GRM7: variants seen among roughly 807,000 people sequenced by gnomAD.
GRM7 encodes glutamate metabotropic receptor 7.
In GRM7, 35 loss-of-function variants were observed where a neutral mutation model predicts 84.5. That is an observed-to-expected ratio of 0.41 (90% CI 0.32 to 0.55). The LOEUF is 0.55. Ranked by LOEUF, GRM7 falls within the 20% of genes least tolerant of loss-of-function variation. The pLI is 0.19. For synonymous variants in GRM7, 487 were observed against 455.1 expected, an observed-to-expected ratio of 1.07 and a Z score of -0.89; for missense variants, 1,003 against 1,194.6, an observed-to-expected ratio of 0.84 and a Z score of 2.36.
rs1252863584 is a variant in GRM7 at position 7,416,602 on chromosome 3, A to G, written c.1174+1439A>G. 3.9e-5 allele frequency among the ~76,000 whole-genome samples: 6 copies of G among 152,110 alleles called. No individual in the cohort carries two copies. In the South Asian group the frequency reaches 8.3e-4, roughly 21 times the overall value. ...GTTTTCTGTGAAAAAGGAGAAATGT[A>G]CAACATATGACCAGAAACATGAATA... On this transcript the variant is annotated intron_variant, in intron 5 of 9. Coordinates refer to ENST00000357716, the MANE Select transcript of GRM7 (RefSeq NM_000844.4).
chr3:6,949,889 C>T (rs564650910), intron 1 of GRM7, among the ~76,000 whole-genome samples: 7 of 152,170 alleles, frequency 4.6e-5, no homozygotes, highest in Non-Finnish European at 8.8e-5. Context: ...GTTCTTGTGC[C>T]GTGCTTTTCA....
rs1044411320 is a variant in GRM7, at chr3:7,014,850, A to C, written c.520-131602A>C. The stretch of plus-strand genomic sequence containing the variant: ...ACTTCTGGGTCGGGTGGGGACTTGG[A>C]GAACTTTTCTGTCTTACAAGAGGAT... On this transcript the variant is annotated intron_variant, in intron 1 of 9. Transcript: ENST00000357716. 7.9e-5 allele frequency among the ~76,000 whole-genome samples: 12 copies of C among 152,252 alleles called. No homozygotes were observed. In the East Asian group the frequency reaches 2.1e-3, roughly 27 times the overall value.
intron 1 of GRM7, among the ~76,000 whole-genome samples, chr3:7,089,904 A>T (rs778543210): frequency 2.7e-4 from 41 of 152,182 alleles, no homozygotes; most frequent in Non-Finnish European, 5.0e-4. Flanking sequence ...GTACAGTGGC[A>T]TGATCTCGGC....
Position 7,076,750 on chromosome 3 carries a change from A to T in GRM7, c.520-69702A>T, listed in dbSNP as rs187854838. ...TAGGTAAATATATCATAAAGAAAAAATTGTGCTATATAATAAAAGAAACTA... is the reference window on the plus strand; with the variant it reads ...TAGGTAAATATATCATAAAGAAAAATTTGTGCTATATAATAAAAGAAACTA... On this transcript the variant is annotated intron_variant, in intron 1 of 9. Transcript: ENST00000357716. 1.1e-4 allele frequency among the ~76,000 whole-genome samples: 16 copies of T among 152,256 alleles called. No individual in the cohort carries two copies. In the East Asian group the frequency reaches 3.1e-3, roughly 29 times the overall value.
In GRM7 at chr3:7,618,432, C is replaced by G. The variant is rs149621346; in HGVS notation, c.2451+39075C>G. Among the ~76,000 whole-genome samples, 377 of 152,162 alleles carry G rather than the reference C, an allele frequency of 2.5e-3. 1 individual carries two copies. The highest frequency in any genetic ancestry group is 8.5e-3 in the African/African-American group (354 of 41,534). On this transcript the variant is annotated intron_variant, in intron 8 of 9. Coordinates refer to ENST00000357716, the MANE Select transcript of GRM7 (RefSeq NM_000844.4). ...TATTTCAAGCAATCAAAAATATGAGCTTAAATGCCAAAATGAACATTTAGT... is the reference window on the plus strand; with the variant it reads ...TATTTCAAGCAATCAAAAATATGAGGTTAAATGCCAAAATGAACATTTAGT...
At chr3:7,267,717 G>A (rs148713488) in intron 2 of GRM7, among the ~76,000 whole-genome samples, 154 of 152,220 alleles carry the variant, frequency 1.0e-3, no homozygotes, top group African/African-American at 3.2e-3. Context: ...GGGGAAAGAC[G>A]GAAAACGGGC....
chr3:7,211,744 T>A (rs1374208078), intron 2 of GRM7, among the ~76,000 whole-genome samples: 1 of 151,456 alleles, frequency 6.6e-6, no homozygotes, highest in Non-Finnish European at 1.5e-5. Flanking sequence ...CAGAAGAAAT[T>A]CATTTTGCAC....
intron 7 of GRM7, among the ~76,000 whole-genome samples, chr3:7,567,747 CAAAAAAAAAAAAAAAAAAAAAAAAAAAA>C (rs1176146756): frequency 2.2e-5 from 1 of 45,790 alleles, no homozygotes; most frequent in Non-Finnish European, 4.0e-5. Flanking sequence ...GACTCCATCT[CAAAAAAAAAAAAAAAAAAAAAAAAAAAA>C]AAAAAAAAAA....
intron 7 of GRM7, among the ~76,000 whole-genome samples, chr3:7,500,387 A>G (rs1419856977): frequency 6.6e-6 from 1 of 152,184 alleles, no homozygotes. Context: ...TTTGCTTCAC[A>G]ATGCATTGCC....
chr3:7,505,877 G>C (rs902571458), intron 7 of GRM7, among the ~76,000 whole-genome samples: 9 of 152,154 alleles, frequency 5.9e-5, no homozygotes, highest in African/African-American at 1.9e-4. Context: ...CCAATGTCTT[G>C]ATTAATAGCC....
chr3:7,461,190 A>G (rs1698231395), intron 6 of GRM7, among the ~76,000 whole-genome samples: 1 of 152,206 alleles, frequency 6.6e-6, no homozygotes, highest in African/African-American at 2.4e-5. Context: ...TTCTTTACTG[A>G]CGAAAATTTA....
At chr3:7,606,758 T>G (rs1696594462) in intron 8 of GRM7, 1 of 152,170 alleles carries the variant, frequency 6.6e-6, no homozygotes, top group Admixed American at 6.6e-5. Context: ...GGTCTCGAAC[T>G]CCTGACCTCA....
chr3:6,873,788 A>C (rs1248454807), intron 1 of GRM7, among the ~76,000 whole-genome samples: 1 of 152,228 alleles, frequency 6.6e-6, no homozygotes. Context: ...TCTGACCCCT[A>C]GTCATCTCTG....
intron 1 of GRM7, among the ~76,000 whole-genome samples, chr3:7,025,368 A>G (rs1156535932): frequency 1.3e-5 from 2 of 152,326 alleles, no homozygotes; most frequent in East Asian, 3.9e-4. Context: ...AAATAATAAA[A>G]TAGAAACTTC....
At chr3:7,134,343 C>G (rs756563797) in intron 1 of GRM7, among the ~76,000 whole-genome samples, 2 of 152,100 alleles carry the variant, frequency 1.3e-5, no homozygotes, top group Non-Finnish European at 2.9e-5. Flanking sequence ...TAGTCTATCT[C>G]TATTCCTGAG....
chr3:7,737,456 A>T (rs1702542625), intron 9 of GRM7, among the ~76,000 whole-genome samples: 1 of 152,252 alleles, frequency 6.6e-6, no homozygotes, highest in African/African-American at 2.4e-5. Context: ...TTCCTTAGCA[A>T]GTGCTTCATT....
At chr3:7,078,649 A>T (rs1246361154) in intron 1 of GRM7, among the ~76,000 whole-genome samples, 1 of 152,170 alleles carries the variant, frequency 6.6e-6, no homozygotes. Flanking sequence ...AAGCCAAACC[A>T]TATGGGATGA....
intron 1 of GRM7, among the ~76,000 whole-genome samples, chr3:6,891,312 A>T (rs1271881857): frequency 7.2e-5 from 11 of 152,136 alleles, no homozygotes; most frequent in Admixed American, 2.0e-4. Context: ...TAGTTGATGC[A>T]GTTTCTTCCT....
rs184878264 is a variant in GRM7 at position 7,403,491 on chromosome 3, T to C, written c.1034-11532T>C. Among the ~76,000 whole-genome samples the C allele has an allele frequency of 6.7e-3, 1,010 of 151,072 alleles. 12 individuals carry two copies. The highest frequency in any genetic ancestry group is 0.022 in the African/African-American group (912 of 41,334). ...GTAGCAGAATATTACTCATTAAATCTTGGAAAGCTTTCATACAATAAATGA... is the reference window on the plus strand; with the variant it reads ...GTAGCAGAATATTACTCATTAAATCCTGGAAAGCTTTCATACAATAAATGA... On this transcript the variant is annotated intron_variant, in intron 4 of 9. Transcript: ENST00000357716.
Sources: allele counts gnomAD v4.1 joint callset (sites outside exome capture counted in the v4.1 genomes callset), GRCh38; gene constraint gnomAD v4.1.1; transcripts MANE v1.5; gene names NCBI Gene and HGNC (gene_info 2026-07-23, HGNC 2026-07-21).